Variants in LRRTM4 observed in about 807,000 individuals in gnomAD.
LRRTM4 encodes leucine rich repeat transmembrane neuronal 4, also known as leucine-rich repeat transmembrane neuronal protein 4.
A neutral mutation model predicts 47.6 loss-of-function variants in LRRTM4; 25 were observed. The observed-to-expected ratio is 0.53, with a 90% CI of 0.38 to 0.73. LRRTM4 has a LOEUF of 0.73. Ranked by LOEUF, LRRTM4 falls within the 30% of genes least tolerant of loss-of-function variation. The pLI, the probability that LRRTM4 is intolerant of heterozygous loss-of-function variation, is 0.00. For synonymous variants in LRRTM4, 311 were observed against 269.5 expected, an observed-to-expected ratio of 1.15 and a Z score of -1.51; for missense variants, 638 against 713.4, an observed-to-expected ratio of 0.89 and a Z score of 1.20.
At chr2:77,015,023 C>T (rs1267953013) in intron 3 of LRRTM4, among the ~76,000 whole-genome samples, 1 of 152,092 alleles carries the variant, frequency 6.6e-6, no homozygotes, top group East Asian at 1.9e-4. Context: ...TGTGATTAAA[C>T]TCCATAGTCA....
intron 3 of LRRTM4, among the ~76,000 whole-genome samples, chr2:76,813,455 A>AT (rs1227510747): frequency 1.3e-5 from 2 of 152,270 alleles, no homozygotes; most frequent in Non-Finnish European, 1.5e-5. Flanking sequence ...ATGACAGGAG[A>AT]TCCCCAAGAC....
At chr2:77,499,012 T>G (rs2104069489) in intron 3 of LRRTM4, among the ~76,000 whole-genome samples, 1 of 151,962 alleles carries the variant, frequency 6.6e-6, no homozygotes, top group South Asian at 2.1e-4. Flanking sequence ...AAGTGAACCT[T>G]CCTTGGCTGT....
At chr2:76,856,248 G>C (rs951378223) in intron 3 of LRRTM4, among the ~76,000 whole-genome samples, 7 of 152,142 alleles carry the variant, frequency 4.6e-5, no homozygotes, top group African/African-American at 1.7e-4. Context: ...TTGCACTCCA[G>C]CCTAGGTGAC....
chr2:76,952,722 A>G (rs1675536308), intron 3 of LRRTM4, among the ~76,000 whole-genome samples: 1 of 151,904 alleles, frequency 6.6e-6, no homozygotes, highest in African/African-American at 2.4e-5. Context: ...ATCATTCAGC[A>G]AAAAAGACAA....
chr2:77,309,722 G>C (rs1487877206), intron 3 of LRRTM4, among the ~76,000 whole-genome samples: 2 of 148,742 alleles, frequency 1.3e-5, no homozygotes, highest in African/African-American at 5.0e-5. Flanking sequence ...TAGATAGATA[G>C]ATAGATAGAT....
intron 3 of LRRTM4, among the ~76,000 whole-genome samples, chr2:77,422,979 C>T (rs1573393180): frequency 1.3e-5 from 2 of 152,086 alleles, no homozygotes; most frequent in South Asian, 4.2e-4. Flanking sequence ...ACAAAATATT[C>T]CATAACATAT....
At chr2:77,457,006 A>ATGTATG (rs1676580985) in intron 3 of LRRTM4, among the ~76,000 whole-genome samples, 1 of 7,082 alleles carries the variant, frequency 1.4e-4, no homozygotes, top group Non-Finnish European at 3.8e-4. Context: ...GTGTGTGTGT[A>ATGTATG]TATATATATA....
At chr2:77,079,989 AAG>A (rs1680479298) in intron 3 of LRRTM4, among the ~76,000 whole-genome samples, 1 of 152,054 alleles carries the variant, frequency 6.6e-6, no homozygotes, top group African/African-American at 2.4e-5. Flanking sequence ...AAATTCTCCA[AAG>A]AGTTATTTAT....
chr2:76,862,168 A>G (rs762559311), intron 3 of LRRTM4, among the ~76,000 whole-genome samples: 22 of 152,120 alleles, frequency 1.4e-4, no homozygotes, highest in Non-Finnish European at 2.2e-4. Context: ...AAAATTAAGG[A>G]AAACAGAACT....
At chr2:76,925,615 T>G (rs1017999273) in intron 3 of LRRTM4, among the ~76,000 whole-genome samples, 5 of 152,160 alleles carry the variant, frequency 3.3e-5, no homozygotes, top group African/African-American at 9.7e-5. Context: ...TTTCCATTTT[T>G]GGTCATATTC....
In LRRTM4 at chr2:76,748,614, A is replaced by T; in HGVS notation, c.*81T>A. On this transcript the variant is annotated 3_prime_UTR_variant, in exon 4 of 4. Transcript: ENST00000409884. ...AACGATGAGCTTGCTCGATTGCGCG[A>T]TTGTGGACACCCATTCTCCTTTAAG... is the stretch of plus-strand genomic sequence containing the variant. 8.8e-7 allele frequency: 1 copy of T among 1,136,348 alleles called. No homozygotes were observed. Among genetic ancestry groups the T allele is most frequent in the South Asian group, 1.3e-5 (1 of 75,924 alleles). 70.4% of individuals were successfully genotyped at this position (1,136,348 alleles called of 1,614,324 possible).
intron 3 of LRRTM4, among the ~76,000 whole-genome samples, chr2:76,793,353 T>C (rs1426850056): frequency 2.0e-5 from 3 of 152,154 alleles, no homozygotes; most frequent in Non-Finnish European, 4.4e-5. Context: ...AGATGGGACA[T>C]AGATTTTCTT....
chr2:77,240,451 ATT>A (rs974385294), intron 3 of LRRTM4, among the ~76,000 whole-genome samples: 2 of 151,948 alleles, frequency 1.3e-5, no homozygotes, highest in African/African-American at 4.8e-5. Context: ...ATCTTCAAAA[ATT>A]GTTTCTTGCC....
chr2:77,139,899 T>A lies in LRRTM4; in HGVS notation c.1551+378419A>T, dbSNP rs539174223. ...ATTGCTTCAAAGAGAATAAAATACC[T>A]AGGAATCCAACTTACAAGGGATGTG... On this transcript the variant is annotated intron_variant, in intron 3 of 3. Coordinates refer to ENST00000409884, the MANE Select transcript of LRRTM4 (RefSeq NM_001134745.3). 5.3e-5 allele frequency among the ~76,000 whole-genome samples: 8 copies of A among 152,146 alleles called. No individual in the cohort carries two copies. The South Asian group carries it at 1.7e-3, about 32-fold the overall frequency.
Position 77,128,536 on chromosome 2 carries a change from C to T in LRRTM4, c.1552-379620G>A, listed in dbSNP as rs535827362. On this transcript the variant is annotated intron_variant, in intron 3 of 3. Transcript: ENST00000409884. ...AGCAATGCTACCTCAGTATTCACAA[C>T]GGTAAGTCCCATCTAGTAAAACTAT... Among the ~76,000 whole-genome samples the T allele has an allele frequency of 2.0e-4, 31 of 152,290 alleles. No homozygotes were observed. In the South Asian group the frequency reaches 4.6e-3, roughly 22 times the overall value.
chr2:76,901,199 C>A (rs1052782689), intron 3 of LRRTM4, among the ~76,000 whole-genome samples: 1 of 152,024 alleles, frequency 6.6e-6, no homozygotes, highest in African/African-American at 2.4e-5. Context: ...TGCTCTCCCT[C>A]CCCCATCCCA....
chr2:77,107,505 T>A lies in LRRTM4; in HGVS notation c.1552-358589A>T, dbSNP rs965489115. ...AGCAATAGCCTATTCTGTGACCACA[T>A]TGAACATATAGCAAGTGATTAAAAA... On this transcript the variant is annotated intron_variant, in intron 3 of 3. Coordinates refer to ENST00000409884, the MANE Select transcript of LRRTM4 (RefSeq NM_001134745.3). Among the ~76,000 whole-genome samples, 3 of 152,092 alleles carry A rather than the reference T, an allele frequency of 2.0e-5. No individual in the cohort carries two copies. The East Asian group carries it at 5.8e-4, about 29-fold the overall frequency.
chr2:76,911,249 T>G (rs191761940), intron 3 of LRRTM4, among the ~76,000 whole-genome samples: 13 of 152,176 alleles, frequency 8.5e-5, no homozygotes, highest in Admixed American at 2.0e-4. Context: ...GTGAAGCCAG[T>G]AGAGTAAAAA....
At chr2:76,925,157 G>A (rs1045661070) in intron 3 of LRRTM4, among the ~76,000 whole-genome samples, 3 of 152,146 alleles carry the variant, frequency 2.0e-5, no homozygotes, top group South Asian at 2.1e-4. Flanking sequence ...AGATTATTCT[G>A]AGTGGGCTTT....
Sources: gnomAD v4.1 joint callset for allele counts (sites outside exome capture counted in the v4.1 genomes callset) on GRCh38, gnomAD v4.1.1 for gene constraint, MANE v1.5 for transcripts, NCBI Gene and HGNC (gene_info 2026-07-23, HGNC 2026-07-21) for gene names.